MCC: variants seen among roughly 807,000 people sequenced by gnomAD.
MCC encodes colorectal mutant cancer protein.
In MCC, 90 loss-of-function variants were observed where a neutral mutation model predicts 116.2. The ratio of observed to expected loss-of-function variants is 0.77; its 90% confidence interval spans 0.65 to 0.92. The LOEUF (loss-of-function observed/expected upper bound fraction) is 0.92. MCC is among the 40% of genes least tolerant of loss of function. MCC has a pLI of 0.00. For missense variants in MCC, 1,516 were observed against 1,312.2 expected, an observed-to-expected ratio of 1.16 and a Z score of -2.40; for synonymous variants, 578 against 510.5, an observed-to-expected ratio of 1.13 and a Z score of -1.78.
At chr5:113,033,656 T>C (rs1464679060) in intron 17 of MCC, among the ~76,000 whole-genome samples, 1 of 152,200 alleles carries the variant, frequency 6.6e-6, no homozygotes. Context: ...ATTCATACAG[T>C]GTTTCCTGGA....
At chr5:113,405,449 T>C (rs981023869) in intron 1 of MCC, among the ~76,000 whole-genome samples, 1 of 152,140 alleles carries the variant, frequency 6.6e-6, no homozygotes, top group African/African-American at 2.4e-5. Flanking sequence ...ATAAAAAAGG[T>C]ATTAAAATCT....
intron 15 of MCC, among the ~76,000 whole-genome samples, chr5:113,052,643 C>A (rs903924697): frequency 1.3e-5 from 2 of 152,178 alleles, no homozygotes; most frequent in Non-Finnish European, 2.9e-5. Context: ...AGAGATGGTG[C>A]GACCAGGGGG....
At chr5:113,040,006 T>C (rs960605541) in intron 17 of MCC, among the ~76,000 whole-genome samples, 1 of 151,468 alleles carries the variant, frequency 6.6e-6, no homozygotes, top group African/African-American at 2.4e-5. Context: ...ACAGGCTGGA[T>C]GGACAAGAGA....
At chr5:113,265,394 T>C (rs1765383369) in intron 3 of MCC, among the ~76,000 whole-genome samples, 4 of 152,078 alleles carry the variant, frequency 2.6e-5, no homozygotes, top group Admixed American at 6.6e-5. Context: ...AACCCCAACC[T>C]CAATGTCTGC....
chr5:113,034,098 C>T (rs909885557), intron 17 of MCC, among the ~76,000 whole-genome samples: 2 of 138,912 alleles, frequency 1.4e-5, no homozygotes, highest in African/African-American at 5.3e-5. Context: ...AGGGTCTTAA[C>T]TATGTTGCCC....
intron 3 of MCC, among the ~76,000 whole-genome samples, chr5:113,249,237 C>T (rs1002334990): frequency 6.6e-6 from 1 of 152,086 alleles, no homozygotes; most frequent in African/African-American, 2.4e-5. Flanking sequence ...AAAACAGAGT[C>T]CCTGTTGTTT....
intron 3 of MCC, among the ~76,000 whole-genome samples, chr5:113,264,574 G>T (rs890147082): frequency 6.6e-6 from 1 of 152,054 alleles, no homozygotes; most frequent in Non-Finnish European, 1.5e-5. Context: ...ACTTCCCTGT[G>T]ATACTCTAGG....
chr5:113,372,202 A>G (rs1028610825), intron 2 of MCC, among the ~76,000 whole-genome samples: 2 of 152,222 alleles, frequency 1.3e-5, no homozygotes, highest in Non-Finnish European at 2.9e-5. Flanking sequence ...ATTCCCACGA[A>G]CTTTCTTGGT....
At chr5:113,444,403 A>T (rs1771146044) in intron 1 of MCC, among the ~76,000 whole-genome samples, 1 of 152,200 alleles carries the variant, frequency 6.6e-6, no homozygotes, top group African/African-American at 2.4e-5. Flanking sequence ...TAGGTTCTAA[A>T]TGGATCCTCC....
At chr5:113,450,967 T>A (rs551713510) in intron 1 of MCC, among the ~76,000 whole-genome samples, 1 of 152,220 alleles carries the variant, frequency 6.6e-6, no homozygotes, top group Non-Finnish European at 1.5e-5. Context: ...CCCTCCTTTT[T>A]TTTCACCCCC....
At position 113,404,283 on chromosome 5, in the gene MCC, TC is replaced by T. The variant is rs35248306; in HGVS notation, c.171-19072del. Among the ~76,000 whole-genome samples, 5 of 152,328 alleles carry T rather than the reference TC, an allele frequency of 3.3e-5. No homozygotes were observed. The East Asian group carries it at 5.8e-4, about 18-fold the overall frequency. On this transcript the variant is annotated intron_variant, in intron 1 of 18. Coordinates refer to ENST00000408903, the MANE Select transcript of MCC (RefSeq NM_001085377.2). Reference sequence around the variant, plus strand: ...TTCACAGCTCTGAAACATCAACACTTCCCTTATTTCCCTCATCTATGAGGAA... The same window carrying T: ...TTCACAGCTCTGAAACATCAACACTTCCTTATTTCCCTCATCTATGAGGAA...
intron 2 of MCC, among the ~76,000 whole-genome samples, chr5:113,381,608 G>A (rs1281935357): frequency 1.3e-5 from 2 of 152,030 alleles, no homozygotes; most frequent in African/African-American, 2.4e-5. Flanking sequence ...ACAACATAGT[G>A]AAACCCATCT....
intron 3 of MCC, among the ~76,000 whole-genome samples, chr5:113,327,794 G>A (rs1049856555): frequency 2.7e-5 from 4 of 150,458 alleles, no homozygotes; most frequent in African/African-American, 4.9e-5. Flanking sequence ...AAAAGCAATC[G>A]TAGTTTTTGC....
At chr5:113,330,110 C>T (rs911632410) in intron 3 of MCC, among the ~76,000 whole-genome samples, 3 of 152,188 alleles carry the variant, frequency 2.0e-5, no homozygotes, top group Non-Finnish European at 4.4e-5. Context: ...CTCAGTCAAT[C>T]ACAGGCAGCC....
chr5:113,452,951 T>C (rs1771442955), intron 1 of MCC, among the ~76,000 whole-genome samples: 1 of 152,232 alleles, frequency 6.6e-6, no homozygotes, highest in Admixed American at 6.5e-5. Context: ...TCAGCCTTAA[T>C]AATTAGCCTA....
intron 17 of MCC, among the ~76,000 whole-genome samples, chr5:113,034,494 C>T (rs961693536): frequency 6.6e-5 from 10 of 152,194 alleles, no homozygotes; most frequent in Non-Finnish European, 7.4e-5. Flanking sequence ...CAGGAGTCAT[C>T]GGGCGAGAGC....
chr5:113,058,241 G>C (rs751591280), intron 14 of MCC, among the ~76,000 whole-genome samples: 6 of 152,140 alleles, frequency 3.9e-5, no homozygotes, highest in Non-Finnish European at 7.3e-5. Flanking sequence ...AGTGGTAAAA[G>C]CTAGCATTCT....
intron 3 of MCC, among the ~76,000 whole-genome samples, chr5:113,209,918 C>T (rs147547560): frequency 1.9e-3 from 284 of 152,274 alleles, no homozygotes; most frequent in African/African-American, 6.7e-3. Context: ...AATGATGTGT[C>T]TAGAGTGCTA....
At chr5:113,037,499 C>A (rs1466007513) in intron 17 of MCC, among the ~76,000 whole-genome samples, 1 of 152,110 alleles carries the variant, frequency 6.6e-6, no homozygotes, top group Non-Finnish European at 1.5e-5. Flanking sequence ...TTGAGATCAG[C>A]CTGGGCAACA....
Sources: gnomAD v4.1 joint callset for allele counts (sites outside exome capture counted in the v4.1 genomes callset) on GRCh38, gnomAD v4.1.1 for gene constraint, MANE v1.5 for transcripts, NCBI Gene and HGNC (gene_info 2026-07-23, HGNC 2026-07-21) for gene names.